Variants in DLG2 observed in about 807,000 individuals in gnomAD.
DLG2 encodes disks large homolog 2.
A neutral mutation model predicts 132.5 loss-of-function variants in DLG2; 45 were observed. That is an observed-to-expected ratio of 0.34 (90% CI 0.27 to 0.44). The LOEUF is 0.44. Among genes scored for constraint, DLG2 ranks in the 20% least tolerant of loss-of-function variants. The pLI is 1.00. For synonymous variants in DLG2, 424 were observed against 419.6 expected (o/e 1.01, Z -0.13); for missense variants, 1,045 against 1,196.9 (o/e 0.87, Z 1.87).
At chr11:83,811,873 G>A (rs1235515100) in intron 17 of DLG2, among the ~76,000 whole-genome samples, 2 of 152,150 alleles carry the variant, frequency 1.3e-5, no homozygotes, top group Non-Finnish European at 2.9e-5. Context: ...GAAAGAGAAA[G>A]AGAGCCCTAT....
intron 11 of DLG2, among the ~76,000 whole-genome samples, chr11:84,029,986 A>G (rs912516407): frequency 1.3e-5 from 2 of 152,188 alleles, no homozygotes; most frequent in Admixed American, 1.3e-4. Flanking sequence ...CAAGTAATAT[A>G]TATACACATA....
intron 17 of DLG2, among the ~76,000 whole-genome samples, chr11:83,822,595 C>G (rs1304213998): frequency 6.6e-6 from 1 of 152,152 alleles, no homozygotes; most frequent in Non-Finnish European, 1.5e-5. Context: ...CATCCCCACA[C>G]TAACGTGTAA....
intron 6 of DLG2, among the ~76,000 whole-genome samples, chr11:84,787,462 C>A (rs982148406): frequency 1.1e-4 from 16 of 152,098 alleles, no homozygotes; most frequent in Admixed American, 3.3e-4. Context: ...ACTCTCATAG[C>A]TCCACTACAA....
chr11:85,138,223 T>C (rs944157958), intron 5 of DLG2, among the ~76,000 whole-genome samples: 41 of 152,266 alleles, frequency 2.7e-4, no homozygotes, highest in African/African-American at 8.9e-4. Flanking sequence ...CCAGTTATTA[T>C]CATCATCAAA....
At chr11:84,310,443 T>C (rs1001124921) in intron 7 of DLG2, among the ~76,000 whole-genome samples, 2 of 152,142 alleles carry the variant, frequency 1.3e-5, no homozygotes, top group Non-Finnish European at 2.9e-5. Context: ...ATTGTGAACA[T>C]GGTGATTATG....
At chr11:84,005,521 A>G (rs1016990870) in intron 11 of DLG2, among the ~76,000 whole-genome samples, 2 of 151,912 alleles carry the variant, frequency 1.3e-5, no homozygotes, top group African/African-American at 4.8e-5. Context: ...ACTTCTGCAC[A>G]GCAGAAAAGA....
chr11:83,817,972 T>G (rs527665546), intron 17 of DLG2, among the ~76,000 whole-genome samples: 2 of 152,354 alleles, frequency 1.3e-5, no homozygotes, highest in South Asian at 4.1e-4. Context: ...AACCCTTCAG[T>G]GCATCCTTTT....
At chr11:84,477,466 A>G (rs939348183) in intron 7 of DLG2, among the ~76,000 whole-genome samples, 2 of 152,060 alleles carry the variant, frequency 1.3e-5, no homozygotes, top group Non-Finnish European at 2.9e-5. Context: ...TTGTACTCCA[A>G]CCTGGGCAAC....
At chr11:84,730,380 A>G (rs2063017642) in intron 6 of DLG2, among the ~76,000 whole-genome samples, 1 of 152,106 alleles carries the variant, frequency 6.6e-6, no homozygotes, top group Non-Finnish European at 1.5e-5. Context: ...CTATTAATAA[A>G]TGCTTAATAA....
chr11:84,447,389 C>T (rs1289281554), intron 7 of DLG2, among the ~76,000 whole-genome samples: 1 of 152,072 alleles, frequency 6.6e-6, no homozygotes, highest in African/African-American at 2.4e-5. Flanking sequence ...ACAGACAGTA[C>T]ATGCTCAATA....
At chr11:84,295,550 G>A (rs1015017377) in intron 7 of DLG2, among the ~76,000 whole-genome samples, 28 of 152,038 alleles carry the variant, frequency 1.8e-4, no homozygotes, top group African/African-American at 6.5e-4. Flanking sequence ...GGAATCAATC[G>A]GAGCTGACAC....
chr11:84,978,837 G>T (rs112856856), intron 6 of DLG2, among the ~76,000 whole-genome samples: 4,463 of 152,002 alleles, frequency 0.029, 75 homozygotes, highest in Admixed American at 0.046. Context: ...ACTAAAGAGC[G>T]TCTGCACAGC....
intron 18 of DLG2, among the ~76,000 whole-genome samples, chr11:83,647,283 G>C (rs1052031717): frequency 6.6e-6 from 1 of 151,338 alleles, no homozygotes; most frequent in Non-Finnish European, 1.5e-5. Context: ...GTGGGGGCGG[G>C]GGTATGTCTC....
intron 8 of DLG2, among the ~76,000 whole-genome samples, chr11:84,225,961 C>T (rs1320517271): frequency 1.3e-5 from 2 of 152,126 alleles, no homozygotes; most frequent in African/African-American, 4.8e-5. Flanking sequence ...CAGGCACAGG[C>T]CACCACGCCT....
At chr11:83,481,267 C>T (rs2093079303) in intron 22 of DLG2, among the ~76,000 whole-genome samples, 1 of 152,102 alleles carries the variant, frequency 6.6e-6, no homozygotes, top group South Asian at 2.1e-4. Context: ...TGGTTATATG[C>T]CAGAATTTGA....
chr11:85,459,324 G>C (rs77847757), intron 3 of DLG2, among the ~76,000 whole-genome samples: 6,147 of 152,178 alleles, frequency 0.04, 396 homozygotes, highest in African/African-American at 0.14. Flanking sequence ...GTTGAGGAGT[G>C]GGGGTTCGAG....
chr11:83,911,120 G>A (rs918967262), intron 15 of DLG2, among the ~76,000 whole-genome samples: 1 of 152,022 alleles, frequency 6.6e-6, no homozygotes, highest in Non-Finnish European at 1.5e-5. Context: ...ATAAATACTT[G>A]AGCTAGATTT....
At chr11:84,452,328 A>T (rs990629774) in intron 7 of DLG2, among the ~76,000 whole-genome samples, 4 of 151,752 alleles carry the variant, frequency 2.6e-5, no homozygotes, top group African/African-American at 7.2e-5. Flanking sequence ...TGTGGAAAGC[A>T]GATCTTGTAA....
At chr11:83,490,665 G>A (rs527571446) in intron 21 of DLG2, among the ~76,000 whole-genome samples, 84 of 151,966 alleles carry the variant, frequency 5.5e-4, no homozygotes, top group South Asian at 2.3e-3. Context: ...AATTAGCATC[G>A]CCAAATTGTG....
Sources: gnomAD v4.1 joint callset for allele counts (sites outside exome capture counted in the v4.1 genomes callset) on GRCh38, gnomAD v4.1.1 for gene constraint, MANE v1.5 for transcripts, NCBI Gene and HGNC (gene_info 2026-07-23, HGNC 2026-07-21) for gene names.